The following DOCK3 variants were observed in gnomAD, a reference collection of about 807,000 sequenced individuals.
DOCK3 encodes the protein dedicator of cytokinesis protein 3.
A neutral mutation model predicts 265.6 loss-of-function variants in DOCK3; 60 were observed. The ratio of observed to expected loss-of-function variants is 0.23; its 90% CI spans 0.18 to 0.28. DOCK3 has a LOEUF of 0.28. DOCK3 is among the 10% of genes least tolerant of loss of function. DOCK3 has a pLI of 1.00. For synonymous variants in DOCK3, 881 were observed against 938.0 expected, an observed-to-expected ratio of 0.94 and a Z score of 1.11; for missense variants, 1,981 against 2,594.3, an observed-to-expected ratio of 0.76 and a Z score of 5.14.
At chr3:51,016,536 GATAT>G (rs1171033035) in intron 5 of DOCK3, among the ~76,000 whole-genome samples, 10 of 40,994 alleles carry the variant, frequency 2.4e-4, no homozygotes, top group Admixed American at 4.2e-4. Context: ...TATAATATAT[GATAT>G]ATATATTTAT....
chr3:51,238,246 C>T (rs2078439179), intron 21 of DOCK3, among the ~76,000 whole-genome samples: 1 of 147,470 alleles, frequency 6.8e-6, no homozygotes, highest in African/African-American at 2.5e-5. Flanking sequence ...GGGTTCACAC[C>T]ATTCTCCTGC....
chr3:51,192,428 A>T (rs751044784), intron 12 of DOCK3, among the ~76,000 whole-genome samples: 2 of 151,734 alleles, frequency 1.3e-5, no homozygotes, highest in Non-Finnish European at 2.9e-5. Context: ...AATATCCCTG[A>T]TAAACACAGA....
chr3:50,995,306 A>G (rs2078240601), intron 5 of DOCK3, among the ~76,000 whole-genome samples: 1 of 152,194 alleles, frequency 6.6e-6, no homozygotes, highest in Non-Finnish European at 1.5e-5. Context: ...CAGACTAGGT[A>G]TGGAGTGTTT....
At chr3:51,027,347 A>C (rs965448847) in intron 5 of DOCK3, among the ~76,000 whole-genome samples, 1 of 151,442 alleles carries the variant, frequency 6.6e-6, no homozygotes, top group Non-Finnish European at 1.5e-5. Flanking sequence ...TTTTCAATTT[A>C]TAGAGACTAG....
In DOCK3 at chr3:51,380,130, T is replaced by C. The variant is rs781841088; in HGVS notation, c.5506T>C (p.Tyr1836His). The change falls in exon 52 of 53, where the codon TAC becomes CAC. Residue 1836 changes from tyrosine to histidine, a missense_variant. Around this residue, in one of 4 missense-constraint regions of DOCK3, gnomAD observed 1,357 missense variants for 1,866.8 expected, o/e 0.73. Transcript: ENST00000266037. ...PNLSVAEKGH[Y>H]SLHFDAFHHP... ...TGGTTCTGTTCCCTTTGCAGGTCAT[T>C]ACTCCCTACACTTTGACGCCTTCCA... The C allele has an allele frequency of 1.5e-5, 25 of 1,613,044 alleles. No homozygotes were observed. Among genetic ancestry groups the C allele is most frequent in the Non-Finnish European group, 2.1e-5 (25 of 1,179,498 alleles).
chr3:51,287,414 C>T (rs980282187), intron 27 of DOCK3, among the ~76,000 whole-genome samples: 1 of 152,064 alleles, frequency 6.6e-6, no homozygotes, highest in Non-Finnish European at 1.5e-5. Flanking sequence ...ATTACCCAGA[C>T]ATGGTGACAT....
At position 50,962,167 on chromosome 3, in the gene DOCK3, A is replaced by G. The variant is rs191562418; in HGVS notation, c.315+28090A>G. On this transcript the variant is annotated intron_variant, in intron 5 of 52. Transcript: ENST00000266037. ...CCCTCCCCTAGCCCCCAGACCCCAC[A>G]ACAGGCCCTGGTGTGTGATGTACCC... Among the ~76,000 whole-genome samples the G allele has an allele frequency of 7.2e-3, 1,093 of 152,110 alleles. 37 individuals carry two copies. Among genetic ancestry groups the G allele is most frequent in the Admixed American group, 0.066 (1,001 of 15,276 alleles).
chr3:51,139,568 T>G (rs997704909), intron 9 of DOCK3, among the ~76,000 whole-genome samples: 6 of 152,172 alleles, frequency 3.9e-5, no homozygotes, highest in Non-Finnish European at 7.4e-5. Context: ...GCACCTATTA[T>G]AGGGTTGGGC....
chr3:51,225,932 T>C (rs2090308859), intron 15 of DOCK3, among the ~76,000 whole-genome samples, 159 bp downstream of exon 15: 1 of 152,226 alleles, frequency 6.6e-6, no homozygotes, highest in Non-Finnish European at 1.5e-5. Flanking sequence ...TAAAGTGTGC[T>C]TTGATAATGA....
chr3:51,358,097 G>T lies in DOCK3; in HGVS notation c.4884+20G>T, dbSNP rs376654810. On this transcript the variant is annotated intron_variant, in intron 46 of 52. Coordinates refer to ENST00000266037, the MANE Select transcript of DOCK3 (RefSeq NM_004947.5). ...TACCATGTAAGTTGATCCCTGTCCT[G>T]CCCCTGCTGCAGTAGAACCAGGTGT... 8 of 1,609,030 alleles carry T rather than the reference G, an allele frequency of 5.0e-6. No homozygotes were observed. In the Admixed American group the frequency reaches 1.2e-4, roughly 23 times the overall value.
At chr3:50,983,304 C>A (rs2077767329) in intron 5 of DOCK3, among the ~76,000 whole-genome samples, 1 of 152,054 alleles carries the variant, frequency 6.6e-6, no homozygotes, top group African/African-American at 2.4e-5. Context: ...GGGGGTGGGT[C>A]CCTGATGAGG....
At chr3:51,227,893 A>G (rs556082151) in intron 16 of DOCK3, 89 bp from the exon 17 acceptor site, 2 of 1,293,776 alleles carry the variant, frequency 1.5e-6, no homozygotes, top group South Asian at 2.5e-5. Flanking sequence ...GCGAGGAACA[A>G]AAGAGCATAG....
intron 9 of DOCK3, among the ~76,000 whole-genome samples, chr3:51,133,757 G>A (rs567553109): frequency 6.6e-6 from 1 of 152,124 alleles, no homozygotes; most frequent in African/African-American, 2.4e-5. Flanking sequence ...AAGGGTGTGG[G>A]ATAATGGTGG....
At chr3:50,834,393 C>G (rs1056152210) in intron 2 of DOCK3, among the ~76,000 whole-genome samples, 1 of 152,084 alleles carries the variant, frequency 6.6e-6, no homozygotes, top group African/African-American at 2.4e-5. Flanking sequence ...TTTTACATAA[C>G]AAGTTATAAT....
At chr3:51,008,660 C>T (rs536403928) in intron 5 of DOCK3, among the ~76,000 whole-genome samples, 2 of 152,088 alleles carry the variant, frequency 1.3e-5, no homozygotes, top group South Asian at 4.2e-4. Context: ...ACTTCCAACA[C>T]TATGTTGACT....
rs9820588 is a variant in DOCK3 at position 50,945,114 on chromosome 3, C to A, written c.315+11037C>A. 2.8e-3 allele frequency among the ~76,000 whole-genome samples: 426 copies of A among 152,208 alleles called. 3 individuals are homozygous for A. Among genetic ancestry groups the A allele is most frequent in the African/African-American group, 9.8e-3 (408 of 41,532 alleles). On this transcript the variant is annotated intron_variant, in intron 5 of 52. Coordinates refer to ENST00000266037, the MANE Select transcript of DOCK3 (RefSeq NM_004947.5). ...TGACATTTAATAAGATAAGGATAAACTAAAAGGTAAAGGTATGTGTGTTTG... is the reference window on the plus strand; with the variant it reads ...TGACATTTAATAAGATAAGGATAAAATAAAAGGTAAAGGTATGTGTGTTTG...
chr3:51,355,804 T>A (rs895649102), intron 41 of DOCK3, among the ~76,000 whole-genome samples: 1 of 152,190 alleles, frequency 6.6e-6, no homozygotes, highest in Non-Finnish European at 1.5e-5. Context: ...TCTTTCCCTT[T>A]GTTTCTTAAA....
chr3:50,844,852 C>CA (rs2046005397), intron 3 of DOCK3, among the ~76,000 whole-genome samples: 1 of 152,058 alleles, frequency 6.6e-6, no homozygotes, highest in Non-Finnish European at 1.5e-5. Context: ...TTTTAGAGAC[C>CA]AAAGCAAGGT....
intron 32 of DOCK3, among the ~76,000 whole-genome samples, chr3:51,322,276 C>T (rs751176199): frequency 1.3e-5 from 2 of 152,178 alleles, no homozygotes; most frequent in Non-Finnish European, 2.9e-5. Flanking sequence ...AATCTCGGCT[C>T]ACTGCAAGTT....
Sources: allele counts gnomAD v4.1 joint callset (sites outside exome capture counted in the v4.1 genomes callset), GRCh38; gene constraint gnomAD v4.1.1; regional missense constraint gnomAD v4.1.1; transcripts MANE v1.5; gene names NCBI Gene and HGNC (gene_info 2026-07-23, HGNC 2026-07-21).